The following TMPRSS9 variants were observed in gnomAD, a reference collection of about 807,000 sequenced individuals.
The protein encoded by TMPRSS9 is transmembrane serine protease 9, also known as transmembrane protease serine 9.
TMPRSS9 carries 113 observed loss-of-function variants against 111.4 expected under a neutral mutation model. The ratio of observed to expected loss-of-function variants is 1.01; its 90% CI spans 0.87 to 1.19. The LOEUF (loss-of-function observed/expected upper bound fraction) is 1.19. Ranked by LOEUF, TMPRSS9 falls within the 50% of genes most tolerant of loss-of-function variation. The pLI is 0.00. For missense variants in TMPRSS9, 1,803 were observed against 1,513.1 expected, an observed-to-expected ratio of 1.19 and a Z score of -3.18; for synonymous variants, 805 against 659.1, an observed-to-expected ratio of 1.22 and a Z score of -3.39.
chr19:2,397,246 A>G (rs961533417), intron 2 of TMPRSS9, among the ~76,000 whole-genome samples: 1 of 151,938 alleles, frequency 6.6e-6, no homozygotes, highest in African/African-American at 2.4e-5. Context: ...TTTACATTTT[A>G]TTCTAAAGGG....
chr19:2,413,210 C>CA (rs952863448), intron 9 of TMPRSS9, among the ~76,000 whole-genome samples: 2 of 151,712 alleles, frequency 1.3e-5, no homozygotes, highest in African/African-American at 4.8e-5. Flanking sequence ...CAAAAACAAA[C>CA]AAAAAAACGA....
chr19:2,404,074 G>A (rs886790271), intron 6 of TMPRSS9, among the ~76,000 whole-genome samples: 6 of 151,960 alleles, frequency 3.9e-5, no homozygotes, highest in Non-Finnish European at 7.4e-5. Context: ...AGGCTGAGGT[G>A]GAAGGATTGC....
At chr19:2,412,222 T>G (rs948817347) in intron 9 of TMPRSS9, among the ~76,000 whole-genome samples, 2 of 139,924 alleles carry the variant, frequency 1.4e-5, no homozygotes, top group Non-Finnish European at 3.0e-5. Flanking sequence ...AGCAAAACTT[T>G]TGTCTCTACA....
intron 7 of TMPRSS9, among the ~76,000 whole-genome samples, chr19:2,405,915 C>T (rs1394204794): frequency 1.3e-5 from 2 of 150,854 alleles, no homozygotes; most frequent in Non-Finnish European, 2.9e-5. Flanking sequence ...CCAGGATGGT[C>T]TCAATCTCCT....
chr19:2,371,091 C>T (rs922842648), intron 1 of TMPRSS9, among the ~76,000 whole-genome samples: 8 of 152,172 alleles, frequency 5.3e-5, no homozygotes, highest in South Asian at 2.1e-4. Context: ...ATGTCCTCTG[C>T]GAAGGCTCTG....
exon 3 of TMPRSS9, chr19:2,398,853 T>C: frequency 6.6e-7 from 1 of 1,519,808 alleles, no homozygotes; most frequent in East Asian, 2.5e-5. Context: ...TGCTCGGTAC[T>C]GAATTATAGG....
chr19:2,382,383 T>C (rs147583826), intron 1 of TMPRSS9, among the ~76,000 whole-genome samples: 10 of 152,268 alleles, frequency 6.6e-5, no homozygotes, highest in Admixed American at 2.0e-4. Flanking sequence ...CCTCCCACCT[T>C]GGCCTCCCAA....
In TMPRSS9 at chr19:2,426,076, C is replaced by T. The variant is rs777435631; in HGVS notation, c.3270C>T (p.His1090=). The change falls in exon 18 of 18, where the codon CAC becomes CAT. Residue 1090 remains histidine (H), a synonymous_variant. Transcript: ENST00000648592. ...CTGTGAGAGGCTGGATAGGACAGCA[C>T]ATCCAGGAGTGACCACCACGTGACT... 4 of 1,606,070 alleles carry T rather than the reference C, an allele frequency of 2.5e-6. No homozygotes were observed. The African/African-American group carries it at 4.0e-5, about 16-fold the overall frequency.
intron 6 of TMPRSS9, among the ~76,000 whole-genome samples, chr19:2,403,488 G>A (rs1970899329): frequency 6.6e-6 from 1 of 152,078 alleles, no homozygotes; most frequent in Admixed American, 6.6e-5. Flanking sequence ...TGAATACCAG[G>A]AACTGGAGCT....
At chr19:2,375,604 C>CCAGGGTCCAGTGTAGACCAATCACTGGG (rs1426707266) in intron 1 of TMPRSS9, among the ~76,000 whole-genome samples, 2 of 128,576 alleles carry the variant, frequency 1.6e-5, no homozygotes. Flanking sequence ...CAATCACTGG[C>CCAGGGTCCAGTGTAGACCAATCACTGGG]TGGAGATGGA....
rs753729937 is a variant in TMPRSS9 at position 2,425,047 on chromosome 19, C to G, written c.2763C>G (p.Phe921Leu). 3.2e-6 allele frequency: 5 copies of G among 1,560,674 alleles called. No homozygotes were observed. The East Asian group carries it at 1.2e-4, about 37-fold the overall frequency. Residue 921 changes from phenylalanine to leucine, a missense_variant, in exon 16 of 18, where the codon TTC (phenylalanine) becomes TTG (leucine). Physicochemically the swap from Phe to Leu is conservative, Grantham distance 22. Transcript: ENST00000648592. ...GGGCGGCCTTCCTAGGCACGCCGTT[C>G]CTGAGCGGCGCGGAGGGGCAGCTGG...
At chr19:2,426,189 G>C (rs187128143) in exon 18 of TMPRSS9, 4 of 943,120 alleles carry the variant, frequency 4.2e-6, no homozygotes, top group South Asian at 2.0e-5. Flanking sequence ...GGACGGGTGT[G>C]GGGGGGCTGT....
In TMPRSS9 at chr19:2,422,147, C is replaced by A. The variant is rs141542159; in HGVS notation, c.2448C>A (p.Gly816=). ...CTGGGGCTGCCAGCAGGGTGACGGG[C>A]CAACCTGCCAACTCAACCTTATCTG... Residue 816 remains glycine (G), a synonymous_variant, in exon 14 of 18, where the codon GGC becomes GGA. Coordinates refer to ENST00000648592, the Ensembl canonical transcript of TMPRSS9. 109 of 1,588,906 alleles carry A rather than the reference C, an allele frequency of 6.9e-5. No individual in the cohort carries two copies. In the Middle Eastern group the frequency reaches 8.4e-4, roughly 12 times the overall value.
At chr19:2,385,015 C>T (rs1212526396), upstream of TMPRSS9, among the ~76,000 whole-genome samples, 5 of 150,478 alleles carry the variant, frequency 3.3e-5, no homozygotes, top group Non-Finnish European at 7.4e-5. Flanking sequence ...AGCCCAGGCG[C>T]GGTGGCCTAC....
intron 6 of TMPRSS9, 44 bp downstream of exon 7, chr19:2,403,239 T>C: frequency 7.3e-6 from 11 of 1,505,512 alleles, no homozygotes; most frequent in Non-Finnish European, 9.1e-6. Context: ...CCTTCCCTTT[T>C]CCAGGGTCAG....
At chr19:2,394,396 A>G (rs1970664923) in intron 1 of TMPRSS9, among the ~76,000 whole-genome samples, 1 of 152,106 alleles carries the variant, frequency 6.6e-6, no homozygotes, top group African/African-American at 2.4e-5. Context: ...AAAATAAAAC[A>G]TTTAAAAAAA....
intron 1 of TMPRSS9, among the ~76,000 whole-genome samples, chr19:2,390,324 G>T (rs535048373): frequency 7.6e-6 from 1 of 131,838 alleles, no homozygotes; most frequent in Non-Finnish European, 1.6e-5. Context: ...CTCACTGCAA[G>T]CTCCACCTCC....
At chr19:2,425,441 G>T in exon 17 of TMPRSS9, 1 of 1,591,552 alleles carries the variant, frequency 6.3e-7, no homozygotes. Flanking sequence ...GTGCAGATCA[G>T]CAGCCGCATG....
At chr19:2,421,867 G>A (rs1310029453) in exon 14 of TMPRSS9, 17 of 1,602,714 alleles carry the variant, frequency 1.1e-5, no homozygotes, top group South Asian at 2.2e-5. Flanking sequence ...GACTCTGGGG[G>A]CCCCCTGGCC....
Sources: gnomAD v4.1 joint callset for allele counts (sites outside exome capture counted in the v4.1 genomes callset) on GRCh38, gnomAD v4.1.1 for gene constraint, MANE v1.5 for transcripts, NCBI Gene and HGNC (gene_info 2026-07-23, HGNC 2026-07-21) for gene names.